The following PRDM15 variants were observed in gnomAD, a reference collection of about 807,000 sequenced individuals.
PRDM15 encodes PR domain zinc finger protein 15.
PRDM15 carries 64 observed loss-of-function variants against 128.6 expected under a neutral mutation model. The ratio of observed to expected loss-of-function variants is 0.50; its 90% CI spans 0.41 to 0.61. The LOEUF (loss-of-function observed/expected upper bound fraction) is 0.61, where lower values mean the gene tolerates loss of function less well. PRDM15 is among the 20% of genes least tolerant of loss of function. The pLI is 0.00. For missense variants in PRDM15, 1,242 were observed against 1,569.1 expected, an observed-to-expected ratio of 0.79 and a Z score of 3.52; for synonymous variants, 615 against 621.8, an observed-to-expected ratio of 0.99 and a Z score of 0.16.
At chr21:41,820,832 T>C (rs2062233235) in intron 16 of PRDM15, among the ~76,000 whole-genome samples, 1 of 152,218 alleles carries the variant, frequency 6.6e-6, no homozygotes, top group Non-Finnish European at 1.5e-5. Context: ...GCTATTTTCC[T>C]GTAACATGGC....
At position 41,836,552 on chromosome 21, in the gene PRDM15, C is replaced by T; in HGVS notation, c.1099G>A (p.Glu367Lys). 1 of 1,613,314 alleles carries T rather than the reference C, an allele frequency of 6.2e-7. No homozygotes were observed. The highest frequency in any genetic ancestry group is 8.5e-7 in the Non-Finnish European group (1 of 1,179,978). ...IRRKLIKQLG[E>K]HKRVYQCNIC... ...TTGCACTGGTAAACCCGCTTGTGCT[C>T]CCCGAGCTGTTTGATGAGCTTGCGC... The change falls in exon 9 of 24, where the codon GAG (glutamate) becomes AAG (lysine). Residue 367 changes from glutamate to lysine, a missense_variant. Coordinates refer to ENST00000398548, the MANE Select transcript of PRDM15 (RefSeq NM_001040424.3).
chr21:41,855,295 C>T (rs561059236), intron 4 of PRDM15, among the ~76,000 whole-genome samples: 2 of 152,286 alleles, frequency 1.3e-5, no homozygotes, highest in South Asian at 4.1e-4. Context: ...GTGCTGGGCT[C>T]CTCAGGCTTT....
intron 18 of PRDM15, 73 bp from the exon 19 acceptor site, chr21:41,815,909 T>C (rs1434057840): frequency 1.9e-6 from 3 of 1,585,948 alleles, no homozygotes; most frequent in Non-Finnish European, 2.6e-6. Flanking sequence ...CCCGAGACCC[T>C]GGGGCAGGCA....
At chr21:41,829,815 C>G (rs1247305079) in intron 11 of PRDM15, among the ~76,000 whole-genome samples, 1 of 151,502 alleles carries the variant, frequency 6.6e-6, no homozygotes, top group African/African-American at 2.4e-5. Flanking sequence ...ATACACCACA[C>G]ACACCCCACA....
chr21:41,831,031 C>T (rs2062672380), intron 11 of PRDM15, among the ~76,000 whole-genome samples: 1 of 152,240 alleles, frequency 6.6e-6, no homozygotes, highest in Non-Finnish European at 1.5e-5. Flanking sequence ...CCTGTGTCGC[C>T]AACGTGGGAG....
At chr21:41,861,962 T>C in intron 1 of PRDM15, 1 of 1,614,006 alleles carries the variant, frequency 6.2e-7, no homozygotes, top group Non-Finnish European at 8.5e-7. Flanking sequence ...CTCTAGCAAG[T>C]GTGACTCAGT....
At chr21:41,815,955 G>A in intron 18 of PRDM15, 119 bp from the exon 19 acceptor site, 1 of 1,322,574 alleles carries the variant, frequency 7.6e-7, no homozygotes, top group Non-Finnish European at 1.0e-6. Context: ...TGAGGGTGTG[G>A]GCCGGCCCCC....
chr21:41,878,657 C>T (rs2064510016), intron 1 of PRDM15: 1 of 1,389,056 alleles, frequency 7.2e-7, no homozygotes, highest in East Asian at 2.8e-5. Flanking sequence ...AAAAGGCTTA[C>T]GAAAATAAGG....
At chr21:41,825,720 A>C (rs1439792469) in intron 13 of PRDM15, among the ~76,000 whole-genome samples, 1 of 152,228 alleles carries the variant, frequency 6.6e-6, no homozygotes, top group East Asian at 1.9e-4. Context: ...AGAGGAAAAG[A>C]GGCTGTCCAG....
intron 2 of PRDM15, 33 bp downstream of exon 2, chr21:41,860,294 C>G (rs1434710079): frequency 1.3e-6 from 2 of 1,595,964 alleles, no homozygotes; most frequent in Non-Finnish European, 1.7e-6. Flanking sequence ...TAGGGCTGGT[C>G]TCGGACCTGG....
intron 11 of PRDM15, among the ~76,000 whole-genome samples, chr21:41,830,845 GACAGCCCCCCAGT>G (rs1473698912): frequency 7.9e-5 from 12 of 152,230 alleles, no homozygotes; most frequent in African/African-American, 2.9e-4. Flanking sequence ...CCAGGACACT[GACAGCCCCCCAGT>G]GCCATCTGTC....
intron 1 of PRDM15, chr21:41,861,938 G>A (rs1481646905): frequency 1.2e-6 from 2 of 1,613,928 alleles, no homozygotes; most frequent in South Asian, 1.1e-5. Flanking sequence ...CACGTTCAAA[G>A]GTATCTCGTG....
At chr21:41,836,047 G>C in intron 10 of PRDM15, 66 bp downstream of exon 10, 9 of 1,034,652 alleles carry the variant, frequency 8.7e-6, no homozygotes, top group Non-Finnish European at 1.1e-5. Context: ...ACAACATGGT[G>C]ATTTGGTCAG....
chr21:41,831,324 C>T (rs2062683166), intron 11 of PRDM15, among the ~76,000 whole-genome samples: 1 of 152,224 alleles, frequency 6.6e-6, no homozygotes, highest in African/African-American at 2.4e-5. Context: ...ACCCTGTGCA[C>T]CGTGGGATGC....
intron 21 of PRDM15, among the ~76,000 whole-genome samples, chr21:41,806,051 C>CCACCACCATCACCATCACCACCACCAT (rs2061572463): frequency 3.7e-5 from 1 of 27,330 alleles, no homozygotes; most frequent in Non-Finnish European, 6.9e-5. Context: ...ACCATCACCA[C>CCACCACCATCACCATCACCACCACCAT]CACCACCATC....
Position 41,810,087 on chromosome 21 carries a change from C to T in PRDM15, c.2652+67G>A, listed in dbSNP as rs1411438159. The T allele has an allele frequency of 8.6e-6, 13 of 1,506,096 alleles. 1 individual carries two copies. Among genetic ancestry groups the T allele is most frequent in the Admixed American group, 5.3e-5 (3 of 56,262 alleles). 93.3% of individuals were successfully genotyped at this position (1,506,096 alleles called of 1,614,324 possible). A position where few individuals can be genotyped will look rare whatever the true frequency, so the allele number is the denominator to read the frequency against. ...TCTGCAGAGGGAGGTGGGCCATGTG[C>T]CAGCATGGGGGTGTCCGGTGCGCGG... On this transcript the variant is annotated intron_variant, in intron 21 of 23. Transcript: ENST00000398548. This position sits in a 1 kb window ranked among gnomAD's most constrained non-coding sequence, Gnocchi z 6.4.
At chr21:41,877,669 C>G (rs1249258888) in intron 1 of PRDM15, 1 of 152,196 alleles carries the variant, frequency 6.6e-6, no homozygotes, top group East Asian at 1.9e-4. Context: ...GAGCCACATC[C>G]TAAGTGAAAA....
rs115382830 is a variant in PRDM15 at position 41,799,883 on chromosome 21, G to A, written c.*1357C>T. 1 of 152,380 alleles carries A rather than the reference G, an allele frequency of 6.6e-6. No homozygotes were observed. Among genetic ancestry groups the A allele is most frequent in the African/African-American group, 2.4e-5 (1 of 41,456 alleles). The allele number at this position is 152,380 out of a possible 1,614,324, so 9.4% of individuals were successfully genotyped here. A position where few individuals can be genotyped will look rare whatever the true frequency, so the allele number is the denominator to read the frequency against. ...AGCAAACTTCTCCCCACACCTCTCA[G>A]TGTTTCTTGTCGTGGGCAGCAGGAG... is the stretch of plus-strand genomic sequence containing the variant. On this transcript the variant is annotated 3_prime_UTR_variant, in exon 24 of 24. Coordinates refer to ENST00000398548, the MANE Select transcript of PRDM15 (RefSeq NM_001040424.3).
chr21:41,872,688 A>G (rs147468527), intron 1 of PRDM15, among the ~76,000 whole-genome samples: 4 of 152,246 alleles, frequency 2.6e-5, no homozygotes, highest in African/African-American at 9.6e-5. Flanking sequence ...CTGTGCACAC[A>G]TTTTGTTTGC....
Sources: allele counts gnomAD v4.1 joint callset (sites outside exome capture counted in the v4.1 genomes callset), GRCh38; gene constraint gnomAD v4.1.1; non-coding constraint Gnocchi (gnomAD v3.1); transcripts MANE v1.5; gene names NCBI Gene and HGNC (gene_info 2026-07-23, HGNC 2026-07-21).